ERO1A: variants seen among roughly 807,000 people sequenced by gnomAD.
The protein encoded by ERO1A is endoplasmic reticulum oxidoreductase 1 alpha, also known as ERO1-like protein alpha.
ERO1A carries 49 observed loss-of-function variants against 76.9 expected under a neutral mutation model. That is an observed-to-expected ratio of 0.64 (90% CI 0.51 to 0.81). The LOEUF (loss-of-function observed/expected upper bound fraction) is 0.81. Ranked by LOEUF, ERO1A falls within the 30% of genes least tolerant of loss-of-function variation. The pLI is 0.00. For synonymous variants in ERO1A, 174 were observed against 181.2 expected (o/e 0.96, Z 0.32); for missense variants, 448 against 542.1 (o/e 0.83, Z 1.72).
intron 11 of ERO1A, among the ~76,000 whole-genome samples, chr14:52,655,525 ATTTTT>A (rs1293646022): frequency 1.3e-5 from 2 of 152,172 alleles, no homozygotes; most frequent in Admixed American, 6.5e-5. Flanking sequence ...AGAATCTTTT[ATTTTT>A]AAGTGTGAAT....
chr14:52,644,192 G>A (rs1036947411), intron 15 of ERO1A, among the ~76,000 whole-genome samples: 7 of 152,100 alleles, frequency 4.6e-5, no homozygotes, highest in Non-Finnish European at 1.0e-4. Flanking sequence ...AGTAGCTCAT[G>A]TCTGTAATCC....
Position 52,682,349 on chromosome 14 carries a change from G to A in ERO1A, c.294C>T (p.Asp98=). The change falls in exon 3 of 16, where the codon GAC becomes GAT. Residue 98 remains aspartate, a synonymous_variant. Transcript: ENST00000395686. ...CAGATTGACATGGTTTGACAGCACA[G>A]TCCCTTCTTCCACACTGGCTGATGT... is the stretch of plus-strand genomic sequence containing the variant. The part of the protein sequence containing the change: ...WNDISQCGRR[D]CAVKPCQSDE... 16 of 1,611,432 alleles carry A rather than the reference G, an allele frequency of 9.9e-6. No individual in the cohort carries two copies. Among genetic ancestry groups the A allele is most frequent in the Non-Finnish European group, 1.4e-5 (16 of 1,178,326 alleles).
At chr14:52,695,129 C>T (rs565420096) in intron 1 of ERO1A, among the ~76,000 whole-genome samples, 1 of 152,332 alleles carries the variant, frequency 6.6e-6, no homozygotes, top group East Asian at 1.9e-4. Flanking sequence ...ACCGCGTGCA[C>T]CCAACCCCTC....
At position 52,641,489 on chromosome 14, in the gene ERO1A, C is replaced by CT. The variant is rs1023280941; in HGVS notation, c.*2080dup. ...ATTAGCCGGGCGTGGTGGCGGGCGC[C>CT]TGTAGTCCCAGCTACTCAGGGGGCT... is the stretch of plus-strand genomic sequence containing the variant. On this transcript the variant is annotated 3_prime_UTR_variant, in exon 16 of 16. Coordinates refer to ENST00000395686, the MANE Select transcript of ERO1A (RefSeq NM_014584.3). 1.3e-5 allele frequency: 2 copies of CT among 152,372 alleles called. No individual in the cohort carries two copies. Among genetic ancestry groups the CT allele is most frequent in the African/African-American group, 4.8e-5 (2 of 41,322 alleles). 9.4% of individuals were successfully genotyped at this position (152,372 alleles called of 1,614,324 possible).
At chr14:52,648,047 G>A (rs1476937374) in intron 13 of ERO1A, among the ~76,000 whole-genome samples, 1 of 152,122 alleles carries the variant, frequency 6.6e-6, no homozygotes, top group Non-Finnish European at 1.5e-5. Flanking sequence ...TCAAACAGCT[G>A]TAACATGAAA....
intron 2 of ERO1A, among the ~76,000 whole-genome samples, chr14:52,682,638 C>G (rs761825562): frequency 6.6e-6 from 1 of 152,178 alleles, no homozygotes; most frequent in Non-Finnish European, 1.5e-5. Context: ...GTGGCTTATG[C>G]CTGTAATCCC....
chr14:52,671,965 T>G (rs1480029358), intron 4 of ERO1A, 94 bp from the exon 5 acceptor site: 3 of 911,140 alleles, frequency 3.3e-6, no homozygotes, highest in Non-Finnish European at 5.0e-6. Context: ...TTTTATTTTT[T>G]TTATTTTTCC....
At chr14:52,662,637 A>G (rs1019220947) in intron 8 of ERO1A, among the ~76,000 whole-genome samples, 1 of 152,252 alleles carries the variant, frequency 6.6e-6, no homozygotes, top group African/African-American at 2.4e-5. Flanking sequence ...TTCATATTAC[A>G]GATGGGGTAG....
intron 9 of ERO1A, 178 bp from the exon 10 acceptor site, chr14:52,658,328 G>A: frequency 1.8e-6 from 1 of 560,640 alleles, no homozygotes; most frequent in South Asian, 2.2e-5. Flanking sequence ...TATGGATTCA[G>A]TTAAGTACCA....
chr14:52,685,852 TTATC>T (rs1183929669), intron 1 of ERO1A, among the ~76,000 whole-genome samples: 2 of 152,184 alleles, frequency 1.3e-5, no homozygotes, highest in East Asian at 3.9e-4. Context: ...AGCAGTGAAT[TTATC>T]TATTTTACCC....
At chr14:52,691,627 G>A (rs2041357500) in intron 1 of ERO1A, among the ~76,000 whole-genome samples, 1 of 152,164 alleles carries the variant, frequency 6.6e-6, no homozygotes, top group African/African-American at 2.4e-5. Context: ...CACTTGACAG[G>A]TTAAATCTAC....
At chr14:52,654,089 A>G (rs1267812207) in intron 11 of ERO1A, among the ~76,000 whole-genome samples, 4 of 152,140 alleles carry the variant, frequency 2.6e-5, no homozygotes, top group African/African-American at 7.2e-5. Flanking sequence ...AAAAATGCTG[A>G]AAGCAAATCT....
chr14:52,678,761 T>A (rs1304444366), intron 3 of ERO1A, among the ~76,000 whole-genome samples: 2 of 152,212 alleles, frequency 1.3e-5, no homozygotes, highest in African/African-American at 4.8e-5. Context: ...ATTTGGCCAC[T>A]AGGAGATCCA....
chr14:52,639,956 A>G lies in ERO1A; in HGVS notation c.*3614T>C, dbSNP rs2039418552. The G allele has an allele frequency of 6.6e-6, 1 of 152,180 alleles. No individual in the cohort carries two copies. The highest frequency in any genetic ancestry group is 1.5e-5 in the Non-Finnish European group (1 of 68,022). The allele number at this position is 152,180 out of a possible 1,614,324, so 9.4% of individuals were successfully genotyped here. A position where few individuals can be genotyped will look rare whatever the true frequency, so the allele number is the denominator to read the frequency against. Reference sequence around the variant, plus strand: ...CTTTATTGACCCCCTAAAGTCTACAAATCCTTGGGACTCTACTGACCCTTG... The same window carrying G: ...CTTTATTGACCCCCTAAAGTCTACAGATCCTTGGGACTCTACTGACCCTTG... On this transcript the variant is annotated 3_prime_UTR_variant, in exon 16 of 16. Coordinates refer to ENST00000395686, the MANE Select transcript of ERO1A (RefSeq NM_014584.3).
chr14:52,692,148 TA>T (rs2041373902), intron 1 of ERO1A, among the ~76,000 whole-genome samples: 1 of 152,270 alleles, frequency 6.6e-6, no homozygotes, highest in Admixed American at 6.5e-5. Flanking sequence ...TTGCATCTTA[TA>T]ATTTCCCTAG....
chr14:52,668,786 AATT>A (rs1306393947), intron 6 of ERO1A, among the ~76,000 whole-genome samples: 5 of 148,406 alleles, frequency 3.4e-5, no homozygotes, highest in African/African-American at 1.2e-4. Flanking sequence ...CTATAATTAT[AATT>A]ATAATTATAC....
intron 13 of ERO1A, among the ~76,000 whole-genome samples, chr14:52,647,982 C>G (rs2039728582): frequency 6.6e-6 from 1 of 152,144 alleles, no homozygotes; most frequent in Non-Finnish European, 1.5e-5. Context: ...CAAAGGAAAC[C>G]TCAATTTGCT....
chr14:52,651,989 CTTT>C (rs78451217), intron 13 of ERO1A, among the ~76,000 whole-genome samples: 1 of 133,864 alleles, frequency 7.5e-6, no homozygotes, highest in Admixed American at 7.5e-5. Context: ...CTACTCTCTA[CTTT>C]TTTTTTTTTT....
intron 7 of ERO1A, among the ~76,000 whole-genome samples, chr14:52,665,449 CAA>C (rs200977037): frequency 7.0e-6 from 1 of 142,974 alleles, no homozygotes; most frequent in African/African-American, 2.6e-5. Context: ...TTCTTCAAGT[CAA>C]AAAAAAAAAC....
Sources: allele counts gnomAD v4.1 joint callset (sites outside exome capture counted in the v4.1 genomes callset), GRCh38; gene constraint gnomAD v4.1.1; transcripts MANE v1.5; gene names NCBI Gene and HGNC (gene_info 2026-07-23, HGNC 2026-07-21).